The following TTC17 variants were observed in gnomAD, a reference collection of about 807,000 sequenced individuals.
The protein encoded by TTC17 is tetratricopeptide repeat protein 17.
A neutral mutation model predicts 143.8 loss-of-function variants in TTC17; 58 were observed. The ratio of observed to expected loss-of-function variants is 0.40; its 90% CI spans 0.33 to 0.50. The LOEUF (loss-of-function observed/expected upper bound fraction) is 0.50, where lower values mean the gene tolerates loss of function less well. Among genes scored for constraint, TTC17 ranks in the 20% least tolerant of loss-of-function variants. The pLI is 0.49. For synonymous variants in TTC17, 501 were observed against 497.8 expected (o/e 1.01, Z -0.09); for missense variants, 1,273 against 1,392.5 (o/e 0.91, Z 1.37).
At chr11:43,458,762 C>G (rs1286265303) in intron 21 of TTC17, among the ~76,000 whole-genome samples, 1 of 152,154 alleles carries the variant, frequency 6.6e-6, no homozygotes, top group Admixed American at 6.6e-5. Flanking sequence ...CCACAGTCAA[C>G]TGAGGTTCAA....
intron 16 of TTC17, among the ~76,000 whole-genome samples, chr11:43,427,642 A>G (rs1476334446): frequency 6.6e-6 from 1 of 152,136 alleles, no homozygotes; most frequent in African/African-American, 2.4e-5. Flanking sequence ...CTTCCACCAT[A>G]TGCCTTACTT....
rs1246696624 is a variant in TTC17, at chr11:43,491,949, T to C, written c.3151-71T>C. On this transcript the variant is annotated intron_variant, in intron 22 of 23. Transcript: ENST00000039989. ...CAGGAAACACAGACTGTATTCTTTA[T>C]GATCACCAAAAACAAGAATGAAAGC... 3 of 1,582,216 alleles carry C rather than the reference T, an allele frequency of 1.9e-6. No individual in the cohort carries two copies. The East Asian group carries it at 6.7e-5, about 35-fold the overall frequency.
At chr11:43,397,522 G>T in intron 7 of TTC17, 31 bp downstream of exon 7, 1 of 1,523,782 alleles carries the variant, frequency 6.6e-7, no homozygotes, top group Non-Finnish European at 8.8e-7. Context: ...CATGAGTCAT[G>T]CTAGTTGCCA....
intron 21 of TTC17, among the ~76,000 whole-genome samples, chr11:43,483,222 T>A (rs1414650829): frequency 6.6e-6 from 1 of 152,052 alleles, no homozygotes; most frequent in Non-Finnish European, 1.5e-5. Flanking sequence ...TACAACAAGG[T>A]CTGTTGATTT....
At chr11:43,405,414 G>C in intron 11 of TTC17, 100 bp from the exon 12 acceptor site, 1 of 857,652 alleles carries the variant, frequency 1.2e-6, no homozygotes, top group East Asian at 2.5e-5. Flanking sequence ...AGATATTATA[G>C]TTTTGTTCAA....
intron 15 of TTC17, among the ~76,000 whole-genome samples, chr11:43,409,453 C>T (rs1858302057): frequency 6.6e-6 from 1 of 152,146 alleles, no homozygotes; most frequent in Non-Finnish European, 1.5e-5. Flanking sequence ...AATATTAATT[C>T]CACCTGTGTC....
At chr11:43,450,310 A>G in intron 20 of TTC17, 69 bp downstream of exon 20, 2 of 1,493,548 alleles carry the variant, frequency 1.3e-6, no homozygotes, top group Non-Finnish European at 1.8e-6. Context: ...TACTACATAG[A>G]AAGCCCAGGT....
chr11:43,359,245 C>T (rs1336374008), intron 1 of TTC17, 132 bp downstream of exon 1: 2 of 1,130,342 alleles, frequency 1.8e-6, no homozygotes, highest in East Asian at 3.2e-5. Context: ...GGCACCGCGA[C>T]CTCGGACTCC....
chr11:43,391,420 G>C, intron 3 of TTC17, 45 bp from the exon 4 acceptor site: 2 of 1,223,544 alleles, frequency 1.6e-6, no homozygotes, highest in Non-Finnish European at 2.4e-6. Context: ...ATAAAATATT[G>C]TTTATCTCAC....
intron 16 of TTC17, among the ~76,000 whole-genome samples, chr11:43,425,511 C>G (rs1022004664): frequency 2.0e-5 from 3 of 152,018 alleles, no homozygotes; most frequent in Admixed American, 2.0e-4. Context: ...ATGTAAACCC[C>G]TTTTCATATT....
At chr11:43,450,287 G>A in intron 20 of TTC17, 46 bp downstream of exon 20, 2 of 1,582,334 alleles carry the variant, frequency 1.3e-6, no homozygotes, top group African/African-American at 1.4e-5. Flanking sequence ...CTCACAGTTA[G>A]GATGCACATT....
At chr11:43,443,609 C>G (rs140836815) in intron 17 of TTC17, 25 bp downstream of exon 17, 1 of 1,591,554 alleles carries the variant, frequency 6.3e-7, no homozygotes, top group Non-Finnish European at 8.6e-7. Context: ...TTAATTCTCA[C>G]AAAATTGTAG....
intron 16 of TTC17, among the ~76,000 whole-genome samples, chr11:43,427,608 A>G (rs555981433): frequency 8.5e-5 from 13 of 152,214 alleles, no homozygotes; most frequent in African/African-American, 3.1e-4. Context: ...AAAAGTACCA[A>G]TTTTACCCAT....
intron 16 of TTC17, chr11:43,435,044 C>T (rs1371926617): frequency 1.3e-5 from 2 of 151,316 alleles, no homozygotes; most frequent in Non-Finnish European, 2.9e-5. Flanking sequence ...GTGGAGAGAG[C>T]TTGATTTGGT....
intron 16 of TTC17, among the ~76,000 whole-genome samples, chr11:43,422,669 A>T (rs1173480335): frequency 6.6e-6 from 1 of 152,168 alleles, no homozygotes; most frequent in Admixed American, 6.5e-5. Flanking sequence ...TATCATTATT[A>T]TTGTACCAGC....
At chr11:43,452,319 G>A (rs991397075) in intron 21 of TTC17, among the ~76,000 whole-genome samples, 3 of 152,112 alleles carry the variant, frequency 2.0e-5, no homozygotes, top group Non-Finnish European at 4.4e-5. Context: ...GGCCAACATG[G>A]TGAAACCCCA....
At chr11:43,463,597 A>G (rs1306921219) in intron 21 of TTC17, among the ~76,000 whole-genome samples, 1 of 152,228 alleles carries the variant, frequency 6.6e-6, no homozygotes, top group Admixed American at 6.5e-5. Context: ...ATGTTCTTGC[A>G]TGTGAAGTCT....
chr11:43,474,979 G>T (rs1363405185), intron 21 of TTC17, among the ~76,000 whole-genome samples: 1 of 152,114 alleles, frequency 6.6e-6, no homozygotes, highest in Non-Finnish European at 1.5e-5. Flanking sequence ...AGAGGGGTTG[G>T]TCTTGCTGTT....
At chr11:43,480,008 T>A (rs1948256440) in intron 21 of TTC17, among the ~76,000 whole-genome samples, 1 of 152,120 alleles carries the variant, frequency 6.6e-6, no homozygotes, top group Non-Finnish European at 1.5e-5. Flanking sequence ...AAGAAAGAAG[T>A]CCCTTCTCCC....
Sources: gnomAD v4.1 joint callset for allele counts (sites outside exome capture counted in the v4.1 genomes callset) on GRCh38, gnomAD v4.1.1 for gene constraint, MANE v1.5 for transcripts, NCBI Gene and HGNC (gene_info 2026-07-23, HGNC 2026-07-21) for gene names.